The following ADAMTS19 variants were observed in gnomAD, a reference collection of about 807,000 sequenced individuals.
The protein encoded by ADAMTS19 is A disintegrin and metalloproteinase with thrombospondin motifs 19.
ADAMTS19 carries 93 observed loss-of-function variants against 153.3 expected under a neutral mutation model. That is an observed-to-expected ratio of 0.61 (90% CI 0.51 to 0.72). The LOEUF (loss-of-function observed/expected upper bound fraction) is 0.72. Ranked by LOEUF, ADAMTS19 falls within the 30% of genes least tolerant of loss-of-function variation. The probability of loss-of-function intolerance (pLI) is 0.00; values close to 1 mark genes in which losing one functional copy is unlikely to be tolerated. For synonymous variants in ADAMTS19, 600 were observed against 556.6 expected, an observed-to-expected ratio of 1.08 and a Z score of -1.10; for missense variants, 1,482 against 1,552.1, an observed-to-expected ratio of 0.95 and a Z score of 0.76.
intron 19 of ADAMTS19, among the ~76,000 whole-genome samples, chr5:129,695,761 G>A (rs1755524198): frequency 6.6e-6 from 1 of 152,156 alleles, no homozygotes; most frequent in Non-Finnish European, 1.5e-5. Flanking sequence ...TATTGGGACA[G>A]GAATATTTAC....
At chr5:129,581,688 T>C (rs1460830510) in intron 7 of ADAMTS19, among the ~76,000 whole-genome samples, 1 of 152,222 alleles carries the variant, frequency 6.6e-6, no homozygotes, top group Non-Finnish European at 1.5e-5. Context: ...CTTTTAATTG[T>C]GATGTTAGGG....
intron 21 of ADAMTS19, among the ~76,000 whole-genome samples, chr5:129,711,161 C>T (rs1361208569): frequency 1.3e-5 from 2 of 152,052 alleles, no homozygotes; most frequent in African/African-American, 4.8e-5. Context: ...TGAAAGGATA[C>T]TTATTTAAAT....
At chr5:129,547,003 T>C (rs1395262096) in intron 6 of ADAMTS19, among the ~76,000 whole-genome samples, 1 of 150,916 alleles carries the variant, frequency 6.6e-6, no homozygotes, top group African/African-American at 2.5e-5. Context: ...TAAGGATATG[T>C]GGTAGGCAGG....
intron 3 of ADAMTS19, among the ~76,000 whole-genome samples, chr5:129,524,394 G>C (rs1342911818): frequency 2.0e-5 from 3 of 152,016 alleles, no homozygotes; most frequent in Non-Finnish European, 2.9e-5. Flanking sequence ...ACATAGGCAT[G>C]GGCAAAGACT....
chr5:129,548,587 A>T (rs896605367), intron 6 of ADAMTS19, among the ~76,000 whole-genome samples: 22 of 151,358 alleles, frequency 1.5e-4, no homozygotes, highest in Non-Finnish European at 2.2e-4. Flanking sequence ...GGGACTGTAA[A>T]CTAGTTCAAA....
At chr5:129,570,025 A>AT (rs1451501182) in intron 7 of ADAMTS19, among the ~76,000 whole-genome samples, 3 of 152,004 alleles carry the variant, frequency 2.0e-5, no homozygotes, top group African/African-American at 4.8e-5. Flanking sequence ...TAATTCTCCT[A>AT]TTGACTCTCC....
rs1472928957 is a variant in ADAMTS19, at chr5:129,734,950, AAAGG to A, written c.3334_3337del (p.Gly1112CysfsTer5). On this transcript the variant is annotated frameshift_variant, in exon 22 of 23. Coordinates refer to ENST00000274487, the MANE Select transcript of ADAMTS19 (RefSeq NM_133638.6). LOFTEE classifies it high-confidence loss of function. The stretch of plus-strand genomic sequence containing the variant: ...CTCCTAGTGCTCAATTACCTGTGGC[AAAGG>A]AATGCAGTCCCGTGTAATCCAATGC... The A allele has an allele frequency of 6.3e-7, 1 of 1,584,018 alleles. No homozygotes were observed. The highest frequency in any genetic ancestry group is 8.6e-7 in the Non-Finnish European group (1 of 1,168,478).
Position 129,665,881 on chromosome 5 carries a change from CATATATAT to C in ADAMTS19, c.2506+317_2506+324del, listed in dbSNP as rs3979171. ...GAATGATTTGGGTATGATTTATATT[CATATATAT>C]ATATATATATATATTTCATAAATAT... is the stretch of plus-strand genomic sequence containing the variant. On this transcript the variant is annotated intron_variant, in intron 16 of 22. Transcript: ENST00000274487. Among the ~76,000 whole-genome samples, 1,238 of 143,666 alleles carry C rather than the reference CATATATAT, an allele frequency of 8.6e-3. 18 individuals are homozygous for C. Among genetic ancestry groups the C allele is most frequent in the African/African-American group, 0.025 (1,009 of 39,794 alleles). 94.3% of individuals were successfully genotyped at this position (143,666 alleles called of 152,430 possible). A position where few individuals can be genotyped will look rare whatever the true frequency, so the allele number is the denominator to read the frequency against.
In ADAMTS19 at chr5:129,622,187, C is replaced by T. The variant is rs549133532; in HGVS notation, c.1620-11C>T. On this transcript the variant is annotated splice_polypyrimidine_tract_variant and intron_variant, in intron 9 of 22. Coordinates refer to ENST00000274487, the MANE Select transcript of ADAMTS19 (RefSeq NM_133638.6). ...AAATTCAAAAGTTTACACATACCTG[C>T]CTATTGCCAGGTCAAAGGCCAGTAA... The T allele has an allele frequency of 1.9e-6, 3 of 1,613,742 alleles. No homozygotes were observed. In the African/African-American group the frequency reaches 4.0e-5, roughly 22 times the overall value.
At chr5:129,607,354 A>G (rs1404151622) in intron 8 of ADAMTS19, among the ~76,000 whole-genome samples, 3 of 152,234 alleles carry the variant, frequency 2.0e-5, no homozygotes, top group African/African-American at 7.2e-5. Flanking sequence ...CTGTGAAAAT[A>G]TGATTCATGT....
At chr5:129,603,093 G>A (rs898245783) in intron 8 of ADAMTS19, among the ~76,000 whole-genome samples, 5 of 151,992 alleles carry the variant, frequency 3.3e-5, no homozygotes, top group African/African-American at 1.2e-4. Flanking sequence ...TGATGTAGCT[G>A]ATTTACATTC....
At chr5:129,686,990 A>G (rs10060795) in intron 18 of ADAMTS19, among the ~76,000 whole-genome samples, 1,581 of 152,038 alleles carry the variant, frequency 0.01, 22 homozygotes, top group African/African-American at 0.037. Flanking sequence ...TCCCATATGC[A>G]CCCAAATTCG....
At chr5:129,620,527 AT>A in intron 8 of ADAMTS19, 90 bp from the exon 9 acceptor site, 1 of 961,936 alleles carries the variant, frequency 1.0e-6, no homozygotes, top group South Asian at 4.3e-5. Context: ...TATTTTAAGT[AT>A]TTTAACCGTT....
At chr5:129,676,703 G>A (rs1754567316) in intron 16 of ADAMTS19, among the ~76,000 whole-genome samples, 1 of 152,218 alleles carries the variant, frequency 6.6e-6, no homozygotes, top group Non-Finnish European at 1.5e-5. Flanking sequence ...TCATGGTGAA[G>A]AGTATGATTT....
intron 6 of ADAMTS19, among the ~76,000 whole-genome samples, chr5:129,533,932 C>T (rs965943503): frequency 8.6e-5 from 13 of 151,918 alleles, no homozygotes; most frequent in Non-Finnish European, 1.3e-4. Flanking sequence ...ATCCTGAGTT[C>T]TAGTTTGATT....
chr5:129,500,219 A>C (rs1751052981), intron 2 of ADAMTS19: 2 of 152,180 alleles, frequency 1.3e-5, no homozygotes. Flanking sequence ...GAATGAAGTC[A>C]GAGTCCTTGT....
At chr5:129,711,687 C>A (rs936395038) in intron 21 of ADAMTS19, among the ~76,000 whole-genome samples, 12 of 150,812 alleles carry the variant, frequency 8.0e-5, no homozygotes, top group Non-Finnish European at 1.5e-4. Context: ...AAAAAAAAAA[C>A]AAAAATTCTT....
At chr5:129,636,008 T>C (rs1224640703) in intron 10 of ADAMTS19, among the ~76,000 whole-genome samples, 1 of 152,120 alleles carries the variant, frequency 6.6e-6, no homozygotes, top group East Asian at 1.9e-4. Context: ...GCAATTCTCT[T>C]TCCCCAGCCT....
intron 16 of ADAMTS19, among the ~76,000 whole-genome samples, chr5:129,674,417 A>G (rs963748845): frequency 2.6e-5 from 4 of 151,994 alleles, no homozygotes; most frequent in African/African-American, 9.7e-5. Flanking sequence ...ACATAATATA[A>G]TTTTGGCCAT....
Sources: allele counts gnomAD v4.1 joint callset (sites outside exome capture counted in the v4.1 genomes callset), GRCh38; gene constraint gnomAD v4.1.1; transcripts MANE v1.5; gene names NCBI Gene and HGNC (gene_info 2026-07-23, HGNC 2026-07-21).